Variants in HS6ST2 observed in about 807,000 individuals in gnomAD.
HS6ST2 encodes heparan-sulfate 6-O-sulfotransferase 2.
A neutral mutation model predicts 33.0 loss-of-function variants in HS6ST2; 17 were observed. The ratio of observed to expected loss-of-function variants is 0.52; its 90% CI spans 0.35 to 0.77. The LOEUF is 0.77. Ranked by LOEUF, HS6ST2 falls within the 30% of genes least tolerant of loss-of-function variation. The probability of loss-of-function intolerance (pLI) is 0.01; values close to 1 mark genes in which losing one functional copy is unlikely to be tolerated. For missense variants in HS6ST2, 519 were observed against 551.7 expected, an observed-to-expected ratio of 0.94 and a Z score of 0.59; for synonymous variants, 248 against 237.1, an observed-to-expected ratio of 1.05 and a Z score of -0.42.
intron 2 of HS6ST2, among the ~76,000 whole-genome samples, chrX:132,806,732 T>C (rs1240157376): frequency 9.1e-6 from 1 of 109,761 alleles, no homozygotes; most frequent in Non-Finnish European, 1.9e-5. Flanking sequence ...CTTCTTTTGA[T>C]TTTTTTCAAC....
intron 2 of HS6ST2, among the ~76,000 whole-genome samples, chrX:132,901,654 C>A (rs1004487205): frequency 9.0e-6 from 1 of 111,339 alleles, no homozygotes; most frequent in Admixed American, 9.6e-5. Context: ...GGTATGGTAC[C>A]CAAATATCCT....
intron 4 of HS6ST2, among the ~76,000 whole-genome samples, chrX:132,658,802 G>A (rs1360375356): frequency 8.9e-6 from 1 of 111,930 alleles, no homozygotes; most frequent in Non-Finnish European, 1.9e-5. Flanking sequence ...GGAATTTTAG[G>A]CTTAGCCAGA....
intron 2 of HS6ST2, among the ~76,000 whole-genome samples, chrX:132,946,089 T>A (rs966717610): frequency 1.8e-5 from 2 of 111,913 alleles, no homozygotes; most frequent in African/African-American, 6.5e-5. Flanking sequence ...CTCACACCAG[T>A]TAGAATGGCG....
chrX:132,894,497 T>C (rs2066353309), intron 2 of HS6ST2, among the ~76,000 whole-genome samples: 1 of 107,559 alleles, frequency 9.3e-6, no homozygotes, highest in African/African-American at 3.4e-5. Flanking sequence ...TATGTTATGT[T>C]ATGTTATGTT....
At chrX:132,958,050 CG>C in intron 1 of HS6ST2, 124 bp downstream of exon 1, 1 of 687,372 alleles carries the variant, frequency 1.5e-6, no homozygotes, top group Non-Finnish European at 2.0e-6. Context: ...AGACCCTAGC[CG>C]GGCCACCAAT....
At chrX:132,771,491 T>C (rs758297001) in intron 2 of HS6ST2, among the ~76,000 whole-genome samples, 1 of 111,863 alleles carries the variant, frequency 8.9e-6, no homozygotes, top group African/African-American at 3.2e-5. Flanking sequence ...TGAGATGTTA[T>C]TTTTTTCCCA....
In HS6ST2 at chrX:132,717,831, C is replaced by T. The variant is rs1368243488; in HGVS notation, c.948-9337G>A. 2.7e-5 allele frequency among the ~76,000 whole-genome samples: 3 copies of T among 112,004 alleles called. No homozygotes were observed. In the East Asian group the frequency reaches 8.4e-4, roughly 31 times the overall value. ...AGTTTTGTGGGCTGCAGACAACTGTCTACATGAAGGTGTAGCACCATTGTG... is the reference window on the plus strand; with the variant it reads ...AGTTTTGTGGGCTGCAGACAACTGTTTACATGAAGGTGTAGCACCATTGTG... On this transcript the variant is annotated intron_variant, in intron 2 of 4. Coordinates refer to ENST00000370833, the MANE Select transcript of HS6ST2 (RefSeq NM_001394073.1).
chrX:132,956,956 A>G lies in HS6ST2; in HGVS notation c.799T>C (p.Cys267Arg). The G allele has an allele frequency of 8.3e-7, 1 of 1,209,498 alleles. No individual in the cohort carries two copies. The highest frequency in any genetic ancestry group is 1.1e-6 in the Non-Finnish European group (1 of 894,341). ...ECRVGQKKCT[C>R]HRPGKRETWL... ...GTTTCCCGCTTACCCGGCCGGTGGC[A>G]AGTGCATTTCTTCTGACCCACGCGG... The change falls in exon 2 of 5, where the codon TGC (cysteine) becomes CGC (arginine). Residue 267 changes from cysteine (C) to arginine (R), a missense_variant. Coordinates refer to ENST00000370833, the MANE Select transcript of HS6ST2 (RefSeq NM_001394073.1).
chrX:132,765,107 A>G (rs1029750602), intron 2 of HS6ST2, among the ~76,000 whole-genome samples: 8 of 112,461 alleles, frequency 7.1e-5, no homozygotes, highest in Admixed American at 1.9e-4. Flanking sequence ...GTTGGGGTGC[A>G]GGATGGCTAC....
intron 4 of HS6ST2, among the ~76,000 whole-genome samples, chrX:132,644,949 C>T (rs924247793): frequency 2.7e-5 from 3 of 111,351 alleles, no homozygotes; most frequent in Non-Finnish European, 3.8e-5. Flanking sequence ...GGCCCCTTCT[C>T]CTCCAAATGT....
intron 2 of HS6ST2, among the ~76,000 whole-genome samples, chrX:132,741,306 T>TG (rs1468565057): frequency 1.8e-5 from 2 of 109,137 alleles, no homozygotes; most frequent in Non-Finnish European, 3.8e-5. Flanking sequence ...GGTTTTGTTT[T>TG]TTTTTTTTTT....
At chrX:132,883,855 T>C (rs145946439) in intron 2 of HS6ST2, among the ~76,000 whole-genome samples, 293 of 111,839 alleles carry the variant, frequency 2.6e-3, no homozygotes, top group African/African-American at 8.6e-3. Flanking sequence ...CCTTGCAAAA[T>C]TGACAAACCA....
chrX:132,735,023 AG>A (rs2064495767), intron 2 of HS6ST2: 1 of 111,573 alleles, frequency 9.0e-6, no homozygotes, highest in Admixed American at 9.5e-5. Flanking sequence ...GTGTGAGAAG[AG>A]GCCTAGAGAA....
chrX:132,659,759 A>C (rs2063757260), intron 4 of HS6ST2, among the ~76,000 whole-genome samples: 1 of 111,870 alleles, frequency 8.9e-6, no homozygotes, highest in African/African-American at 3.2e-5. Context: ...TGGACAAGCC[A>C]ATGTCTTGAG....
At chrX:132,630,853 G>A (rs1324714820) in intron 4 of HS6ST2, among the ~76,000 whole-genome samples, 4 of 111,155 alleles carry the variant, frequency 3.6e-5, no homozygotes, top group Admixed American at 9.6e-5. Flanking sequence ...GCTGAGGCAC[G>A]AGAATCACTT....
intron 2 of HS6ST2, among the ~76,000 whole-genome samples, chrX:132,949,127 C>T (rs762961332): frequency 3.6e-5 from 4 of 110,832 alleles, no homozygotes; most frequent in African/African-American, 1.3e-4. Context: ...TTCTGCTGGA[C>T]GAGAGCAACA....
chrX:132,842,443 C>T (rs191881398), intron 2 of HS6ST2, among the ~76,000 whole-genome samples: 1 of 112,110 alleles, frequency 8.9e-6, no homozygotes, highest in Non-Finnish European at 1.9e-5. Context: ...ATAATGCAAG[C>T]GCATTGTGCT....
chrX:132,788,822 C>T (rs192839590), intron 2 of HS6ST2, among the ~76,000 whole-genome samples: 126 of 112,851 alleles, frequency 1.1e-3, no homozygotes, highest in Non-Finnish European at 1.6e-3. Context: ...TCAAAACAGC[C>T]ACAAAATTCC....
In HS6ST2 at chrX:132,958,446, C is replaced by T. The variant is rs1391673616; in HGVS notation, c.157G>A (p.Gly53Ser). 1.7e-6 allele frequency: 2 copies of T among 1,200,077 alleles called. No homozygotes were observed. The highest frequency in any genetic ancestry group is 1.1e-6 in the Non-Finnish European group (1 of 891,925). ...CCGTGAGACACACCCCTAGGAGGGC[C>T]CGCGCGAACTGAGGCGGCGACCGAC... ...PGSVAASVRA[G>S]PPRGVSHGFH... Residue 53 changes from glycine (G) to serine (S), a missense_variant, in exon 1 of 5, where the codon GGC (glycine) becomes AGC (serine). Transcript: ENST00000370833.
Sources: gnomAD v4.1 joint callset for allele counts (sites outside exome capture counted in the v4.1 genomes callset) on GRCh38, gnomAD v4.1.1 for gene constraint, MANE v1.5 for transcripts, NCBI Gene and HGNC (gene_info 2026-07-23, HGNC 2026-07-21) for gene names.